Variants in CSMD2 observed in about 807,000 individuals in gnomAD.
CSMD2 encodes CUB and sushi domain-containing protein 2.
CSMD2 carries 130 observed loss-of-function variants against 398.5 expected under a neutral mutation model. The ratio of observed to expected loss-of-function variants is 0.33; its 90% CI spans 0.28 to 0.38. CSMD2 has a LOEUF of 0.38. Among genes scored for constraint, CSMD2 ranks in the 10% least tolerant of loss-of-function variants. The pLI is 1.00. For synonymous variants in CSMD2, 1,828 were observed against 1,908.5 expected (o/e 0.96, Z 1.10); for missense variants, 3,829 against 4,764.9 (o/e 0.80, Z 5.78).
chr1:33,967,697 A>G (rs1214837757), intron 3 of CSMD2, among the ~76,000 whole-genome samples: 1 of 152,208 alleles, frequency 6.6e-6, no homozygotes, highest in Non-Finnish European at 1.5e-5. Context: ...CGATGAGAGT[A>G]GGGCCAATAG....
intron 40 of CSMD2, among the ~76,000 whole-genome samples, chr1:33,613,155 G>C (rs563724027): frequency 2.6e-5 from 4 of 152,310 alleles, no homozygotes; most frequent in Non-Finnish European, 5.9e-5. Flanking sequence ...ACATTAACTT[G>C]AAAGCAAGGG....
At chr1:33,742,338 G>A (rs1017410785) in intron 14 of CSMD2, among the ~76,000 whole-genome samples, 1 of 152,212 alleles carries the variant, frequency 6.6e-6, no homozygotes, top group Non-Finnish European at 1.5e-5. Flanking sequence ...TTATGCCAAC[G>A]GTGGGAATGG....
intron 4 of CSMD2, among the ~76,000 whole-genome samples, chr1:33,935,470 T>C (rs1224338069): frequency 6.6e-6 from 1 of 152,178 alleles, no homozygotes; most frequent in African/African-American, 2.4e-5. Flanking sequence ...AGAAATGATG[T>C]TTCTTCTGAG....
intron 33 of CSMD2, among the ~76,000 whole-genome samples, chr1:33,626,038 G>A (rs755941324): frequency 1.3e-5 from 2 of 152,222 alleles, no homozygotes; most frequent in Non-Finnish European, 2.9e-5. Context: ...GAGGCCTGGC[G>A]TAGCTGGAGC....
intron 23 of CSMD2, among the ~76,000 whole-genome samples, chr1:33,700,124 T>A (rs920146619): frequency 5.9e-5 from 9 of 152,064 alleles, no homozygotes; most frequent in Non-Finnish European, 7.4e-5. Context: ...TTCTCCTGCC[T>A]CAGCCTCCCA....
chr1:33,643,535 C>T (rs1372469246), intron 29 of CSMD2, among the ~76,000 whole-genome samples: 2 of 152,178 alleles, frequency 1.3e-5, no homozygotes, highest in Non-Finnish European at 1.5e-5. Flanking sequence ...CTGCTTGATG[C>T]TGTGCCTATG....
chr1:33,947,631 T>A (rs369789575), intron 3 of CSMD2, among the ~76,000 whole-genome samples: 79 of 152,224 alleles, frequency 5.2e-4, no homozygotes, highest in African/African-American at 1.8e-3. Context: ...AAAGAGGAAC[T>A]GAGGAAGAGG....
chr1:33,866,336 T>C (rs1465282395), intron 5 of CSMD2, among the ~76,000 whole-genome samples: 1 of 152,184 alleles, frequency 6.6e-6, no homozygotes, highest in African/African-American at 2.4e-5. Flanking sequence ...TGGGCATAAA[T>C]TGCAGCACTG....
At chr1:33,992,540 TC>T in intron 3 of CSMD2, among the ~76,000 whole-genome samples, 1 of 150,816 alleles carries the variant, frequency 6.6e-6, no homozygotes, top group East Asian at 2.0e-4. Context: ...TTAACAGAGA[TC>T]ACTGGAAGCA....
At chr1:34,060,184 A>G (rs983212421) in intron 2 of CSMD2, among the ~76,000 whole-genome samples, 1 of 152,112 alleles carries the variant, frequency 6.6e-6, no homozygotes, top group Non-Finnish European at 1.5e-5. Context: ...GGTCAGGGGA[A>G]TGAACATCCT....
chr1:33,934,513 T>C (rs1283515219), intron 4 of CSMD2, among the ~76,000 whole-genome samples: 1 of 152,210 alleles, frequency 6.6e-6, no homozygotes, highest in African/African-American at 2.4e-5. Flanking sequence ...GTGATGTGAT[T>C]GATTGTTTTT....
At chr1:33,867,925 G>T (rs1193297521) in intron 5 of CSMD2, among the ~76,000 whole-genome samples, 1 of 152,170 alleles carries the variant, frequency 6.6e-6, no homozygotes, top group East Asian at 1.9e-4. Flanking sequence ...GATTAATTAT[G>T]TGAATGTGGG....
intron 5 of CSMD2, among the ~76,000 whole-genome samples, chr1:33,855,522 G>T (rs375997159): frequency 6.5e-4 from 99 of 152,182 alleles, no homozygotes; most frequent in African/African-American, 2.3e-3. Context: ...TCCCCAACTT[G>T]CCCTTATTAC....
intron 37 of CSMD2, among the ~76,000 whole-genome samples, chr1:33,619,869 G>T (rs1241459795): frequency 6.6e-6 from 1 of 152,060 alleles, no homozygotes; most frequent in Non-Finnish European, 1.5e-5. Context: ...TTGTCATCTT[G>T]TCTATTTCTC....
intron 27 of CSMD2, among the ~76,000 whole-genome samples, chr1:33,655,558 G>A (rs1008306990): frequency 6.6e-6 from 1 of 152,214 alleles, no homozygotes; most frequent in African/African-American, 2.4e-5. Context: ...CCAGGGAGTG[G>A]AATCCCGAGC....
intron 15 of CSMD2, among the ~76,000 whole-genome samples, chr1:33,732,892 G>A (rs1289176679): frequency 2.0e-5 from 3 of 152,220 alleles, no homozygotes; most frequent in Non-Finnish European, 4.4e-5. Context: ...CTGTGTGTTA[G>A]TCTTCACAGC....
chr1:34,142,294 T>C (rs1571249897), intron 1 of CSMD2, among the ~76,000 whole-genome samples: 2 of 152,096 alleles, frequency 1.3e-5, no homozygotes, highest in East Asian at 1.9e-4. Context: ...CATCCAGAGA[T>C]GAACGGTCTG....
At chr1:33,610,269 A>G (rs1274034775) in intron 41 of CSMD2, among the ~76,000 whole-genome samples, 1 of 152,110 alleles carries the variant, frequency 6.6e-6, no homozygotes, top group East Asian at 1.9e-4. Context: ...TATTGGAAAA[A>G]AAATCTAAAA....
At chr1:33,525,659 G>T (rs189016068) in intron 65 of CSMD2, among the ~76,000 whole-genome samples, 2 of 152,194 alleles carry the variant, frequency 1.3e-5, no homozygotes. Context: ...TAATAAGAAT[G>T]TATTGTACAT....
Sources: gnomAD v4.1 joint callset for allele counts (sites outside exome capture counted in the v4.1 genomes callset) on GRCh38, gnomAD v4.1.1 for gene constraint, MANE v1.5 for transcripts, NCBI Gene and HGNC (gene_info 2026-07-23, HGNC 2026-07-21) for gene names.